The following IRF8 variants were observed in gnomAD, a reference collection of about 807,000 sequenced individuals.
IRF8 encodes interferon regulatory factor 8, also known as interferon consensus sequence binding protein 1.
IRF8 carries 14 observed loss-of-function variants against 48.7 expected under a neutral mutation model. The observed-to-expected ratio is 0.29, with a 90% CI of 0.19 to 0.45. The LOEUF (loss-of-function observed/expected upper bound fraction) is 0.45. IRF8 is among the 20% of genes least tolerant of loss of function. The pLI is 1.00. For missense variants in IRF8, 493 were observed against 580.7 expected (o/e 0.85, Z 1.55); for synonymous variants, 278 against 227.3 (o/e 1.22, Z -2.01).
intron 5 of IRF8, 57 bp from the exon 6 acceptor site, chr16:85,914,416 A>G: frequency 6.2e-7 from 1 of 1,605,888 alleles, no homozygotes; most frequent in Non-Finnish European, 8.5e-7. Flanking sequence ...GATTGGGGTT[A>G]CTCCCTGTAC....
In IRF8 at chr16:85,902,735, C is replaced by G; in HGVS notation, c.-1-280C>G. On this transcript the variant is annotated intron_variant, in intron 1 of 8. Transcript: ENST00000268638. ...CCTGAAAGGAAAGGGCAGATGAAAG[C>G]TGGAAGGAGCACAGCCAGCACAGTG... 8.3e-6 allele frequency: 4 copies of G among 482,504 alleles called. No individual in the cohort carries two copies. In the South Asian group the frequency reaches 8.3e-5, roughly 10 times the overall value. The allele number at this position is 482,504 out of a possible 1,614,324, so 29.9% of individuals were successfully genotyped here.
intron 1 of IRF8, chr16:85,901,011 A>G (rs531965297): frequency 2.0e-5 from 3 of 152,284 alleles, no homozygotes; most frequent in East Asian, 1.9e-4. Context: ...GCCAACCCCT[A>G]TGTTGTGTTC....
At chr16:85,913,312 G>T in intron 5 of IRF8, 76 bp downstream of exon 5, 2 of 1,034,964 alleles carry the variant, frequency 1.9e-6, no homozygotes, top group South Asian at 1.3e-5. Context: ...CAGGGACGGA[G>T]TGGGGGTGGT....
chr16:85,920,074 T>C lies in IRF8; in HGVS notation c.989-35T>C, dbSNP rs770882788. 1.1e-5 allele frequency: 17 copies of C among 1,526,274 alleles called. No individual in the cohort carries two copies. In the Admixed American group the frequency reaches 2.5e-4, roughly 23 times the overall value. The allele number at this position is 1,526,274 out of a possible 1,614,324, so 94.5% of individuals were successfully genotyped here. ...GCGGGAGTTGGAGGTCATCTCGGCC[T>C]TGCTTGCAAACACCCTCTGCCTGTG... is the stretch of plus-strand genomic sequence containing the variant. On this transcript the variant is annotated intron_variant, in intron 7 of 8. Transcript: ENST00000268638.
chr16:85,899,769 AG>A (rs1765129206), intron 1 of IRF8, among the ~76,000 whole-genome samples: 1 of 152,218 alleles, frequency 6.6e-6, no homozygotes, highest in Admixed American at 6.5e-5. Context: ...GTCCTTGGCA[AG>A]AGAGTCTGTA....
chr16:85,902,322 C>A (rs192691736), intron 1 of IRF8, among the ~76,000 whole-genome samples: 1 of 152,190 alleles, frequency 6.6e-6, no homozygotes, highest in East Asian at 1.9e-4. Flanking sequence ...CATCTGAATT[C>A]TCTTACAACC....
chr16:85,921,540 C>A lies in IRF8; in HGVS notation c.*258C>A. On this transcript the variant is annotated 3_prime_UTR_variant, in exon 9 of 9. Coordinates refer to ENST00000268638, the MANE Select transcript of IRF8 (RefSeq NM_002163.4). ...AAAATTTTATTTTCTATCCTTTACC[C>A]GTCATTATCATTAGTTGCTATGATT... The A allele has an allele frequency of 4.0e-6, 2 of 499,424 alleles. No individual in the cohort carries two copies. The highest frequency in any genetic ancestry group is 7.3e-6 in the Non-Finnish European group (2 of 274,404). 30.9% of individuals were successfully genotyped at this position (499,424 alleles called of 1,614,324 possible).
At chr16:85,913,544 G>C (rs921367229) in intron 5 of IRF8, among the ~76,000 whole-genome samples, 2 of 152,242 alleles carry the variant, frequency 1.3e-5, no homozygotes, top group Non-Finnish European at 2.9e-5. Context: ...TAGTGAACTT[G>C]TGTAAGGCCA....
Position 85,921,375 on chromosome 16 carries a change from T to G in IRF8, c.*93T>G. ...CATGATTAAAGAATGTGGATCCCTCTGTCTGGGGTGGGATGCCTTACTTTG... is the reference window on the plus strand; with the variant it reads ...CATGATTAAAGAATGTGGATCCCTCGGTCTGGGGTGGGATGCCTTACTTTG... On this transcript the variant is annotated 3_prime_UTR_variant, in exon 9 of 9. Transcript: ENST00000268638. 7.4e-7 allele frequency: 1 copy of G among 1,347,472 alleles called. No individual in the cohort carries two copies. The allele number at this position is 1,347,472 out of a possible 1,614,324, so 83.5% of individuals were successfully genotyped here.
At chr16:85,918,875 C>G (rs1322677422) in intron 7 of IRF8, 72 bp downstream of exon 7, 1 of 1,575,746 alleles carries the variant, frequency 6.3e-7, no homozygotes, top group Non-Finnish European at 8.6e-7. Flanking sequence ...CCATTTGCAG[C>G]TCAGGGTGGC....
chr16:85,915,097 G>A (rs973599635), intron 6 of IRF8, among the ~76,000 whole-genome samples: 1 of 152,240 alleles, frequency 6.6e-6, no homozygotes, highest in African/African-American at 2.4e-5. Flanking sequence ...GGATGCAGCT[G>A]TTCCCATTTC....
rs2143062083 is a variant in IRF8 at position 85,921,370 on chromosome 16, C to A, written c.*88C>A. The A allele has an allele frequency of 1.4e-6, 2 of 1,408,048 alleles. No individual in the cohort carries two copies. The highest frequency in any genetic ancestry group is 4.6e-5 in the East Asian group (2 of 43,950). 87.2% of individuals were successfully genotyped at this position (1,408,048 alleles called of 1,614,324 possible). A position where few individuals can be genotyped will look rare whatever the true frequency, so the allele number is the denominator to read the frequency against. On this transcript the variant is annotated 3_prime_UTR_variant, in exon 9 of 9. Transcript: ENST00000268638. ...CGCATCATGATTAAAGAATGTGGATCCCTCTGTCTGGGGTGGGATGCCTTA... is the reference window on the plus strand; with the variant it reads ...CGCATCATGATTAAAGAATGTGGATACCTCTGTCTGGGGTGGGATGCCTTA...
At chr16:85,919,346 G>T (rs1196278211) in intron 7 of IRF8, among the ~76,000 whole-genome samples, 1 of 152,138 alleles carries the variant, frequency 6.6e-6, no homozygotes, top group Non-Finnish European at 1.5e-5. Flanking sequence ...TCTCCTGGAG[G>T]GTTAGGATGG....
intron 2 of IRF8, among the ~76,000 whole-genome samples, chr16:85,906,837 TG>T (rs1905020187): frequency 6.6e-6 from 1 of 151,930 alleles, no homozygotes; most frequent in Admixed American, 6.6e-5. Context: ...TGGCATCTGG[TG>T]GGTCAAGGCT....
At chr16:85,912,010 A>G (rs960876836) in intron 4 of IRF8, among the ~76,000 whole-genome samples, 2 of 152,234 alleles carry the variant, frequency 1.3e-5, no homozygotes, top group Non-Finnish European at 2.9e-5. Context: ...CCTTCCTAGC[A>G]GGCTACAGAG....
At chr16:85,909,275 TA>T (rs1905081628) in intron 3 of IRF8, 102 bp downstream of exon 3, 2 of 885,338 alleles carry the variant, frequency 2.3e-6, no homozygotes, top group Admixed American at 2.0e-5. Context: ...CTGGGGCACA[TA>T]GTTTCAGTTA....
intron 5 of IRF8, 137 bp downstream of exon 5, chr16:85,913,373 T>C (rs1389637839): frequency 7.2e-6 from 5 of 694,460 alleles, no homozygotes; most frequent in East Asian, 5.4e-5. Context: ...CCCTGAGAGG[T>C]GAAGAACGAT....
chr16:85,903,035 G>T lies in IRF8; in HGVS notation c.20G>T (p.Gly7Val). The T allele has an allele frequency of 2.5e-6, 4 of 1,614,200 alleles. No individual in the cohort carries two copies. The highest frequency in any genetic ancestry group is 3.4e-6 in the Non-Finnish European group (4 of 1,180,018). ...CCAAGGATGTGTGACCGGAATGGTGGTCGGCGGCTTCGACAGTGGCTGATC... is the reference window on the plus strand; with the variant it reads ...CCAAGGATGTGTGACCGGAATGGTGTTCGGCGGCTTCGACAGTGGCTGATC... Reference protein sequence around the residue: MCDRNGGRRLRQWLIEQ... With the variant: MCDRNGVRRLRQWLIEQ... The change falls in exon 2 of 9, where the codon GGT becomes GTT. Residue 7 changes from glycine to valine, a missense_variant. Transcript: ENST00000268638.
rs1905560315 is a variant in IRF8, at chr16:85,921,342, G to A, written c.*60G>A. ...CTGCATCCATCTCCCTGTTACAGTGGCCCGCATCATGATTAAAGAATGTGG... is the reference window on the plus strand; with the variant it reads ...CTGCATCCATCTCCCTGTTACAGTGACCCGCATCATGATTAAAGAATGTGG... On this transcript the variant is annotated 3_prime_UTR_variant, in exon 9 of 9. Transcript: ENST00000268638. 1 of 1,542,044 alleles carries A rather than the reference G, an allele frequency of 6.5e-7. No individual in the cohort carries two copies. The highest frequency in any genetic ancestry group is 1.4e-5 in the African/African-American group (1 of 73,594).
Sources: gnomAD v4.1 joint callset for allele counts (sites outside exome capture counted in the v4.1 genomes callset) on GRCh38, gnomAD v4.1.1 for gene constraint, MANE v1.5 for transcripts, NCBI Gene and HGNC (gene_info 2026-07-23, HGNC 2026-07-21) for gene names.